The following TPO variants were observed in gnomAD, a reference collection of about 807,000 sequenced individuals.
The protein encoded by TPO is thyroid microsomal antigen.
A neutral mutation model predicts 96.9 loss-of-function variants in TPO; 78 were observed. The observed-to-expected ratio is 0.81, with a 90% CI of 0.67 to 0.97. The LOEUF (loss-of-function observed/expected upper bound fraction) is 0.97, where lower values mean the gene tolerates loss of function less well. Ranked by LOEUF, TPO falls within the 50% of genes least tolerant of loss-of-function variation. The probability of loss-of-function intolerance (pLI) is 0.00; values close to 1 mark genes in which losing one functional copy is unlikely to be tolerated. For missense variants in TPO, 1,252 were observed against 1,274.8 expected, an observed-to-expected ratio of 0.98 and a Z score of 0.27; for synonymous variants, 547 against 538.0, an observed-to-expected ratio of 1.02 and a Z score of -0.23.
chr2:1,524,685 A>C (rs1444855884), intron 15 of TPO, among the ~76,000 whole-genome samples: 2 of 119,982 alleles, frequency 1.7e-5, no homozygotes, highest in African/African-American at 3.2e-5. Flanking sequence ...AACCTCCCCA[A>C]ATCCCCCCAC....
chr2:1,478,352 G>T (rs1264778107), intron 8 of TPO: 1 of 985,336 alleles, frequency 1.0e-6, no homozygotes, highest in Non-Finnish European at 1.2e-6. Context: ...GTTGCACCAG[G>T]CCCTGTGGCG....
intron 10 of TPO, among the ~76,000 whole-genome samples, chr2:1,489,584 C>T (rs1671519382): frequency 6.6e-6 from 1 of 152,218 alleles, no homozygotes; most frequent in Non-Finnish European, 1.5e-5. Flanking sequence ...GGCTGTGTTT[C>T]AGGGCTGTGA....
chr2:1,524,996 C>CT (rs1676104495), intron 15 of TPO, among the ~76,000 whole-genome samples: 1 of 121,796 alleles, frequency 8.2e-6, no homozygotes, highest in African/African-American at 3.2e-5. Context: ...CTCCCCAAAT[C>CT]CACCCAACTC....
rs113810373 is a variant in TPO at position 1,402,456 on chromosome 2, G to T, written n.180+28054G>T. On this transcript the variant is annotated intron_variant and non_coding_transcript_variant, in intron 1 of 5. Transcript: ENST00000497517. ...TCTGGGAGCCAACACGGAGCCAAGG[G>T]GGGTGGGGGATTTCCTGTTTCCTCA... Among the ~76,000 whole-genome samples the T allele has an allele frequency of 8.6e-3, 1,302 of 152,276 alleles. 6 individuals carry two copies. Among genetic ancestry groups the T allele is most frequent in the Non-Finnish European group, 0.012 (801 of 68,024 alleles).
At chr2:1,462,911 T>A (rs1328987100) in intron 7 of TPO, among the ~76,000 whole-genome samples, 4 of 152,250 alleles carry the variant, frequency 2.6e-5, no homozygotes, top group Non-Finnish European at 5.9e-5. Context: ...AATCATGTTA[T>A]ACAGTGATAT....
intron 1 of TPO, among the ~76,000 whole-genome samples, chr2:1,382,503 C>T (rs904373280): frequency 6.6e-6 from 1 of 152,120 alleles, no homozygotes; most frequent in Non-Finnish European, 1.5e-5. Flanking sequence ...GAAATATCAT[C>T]TTGTCAACTG....
intron 4 of TPO, among the ~76,000 whole-genome samples, chr2:1,434,979 G>C (rs1216468877): frequency 6.6e-6 from 1 of 152,016 alleles, no homozygotes; most frequent in Non-Finnish European, 1.5e-5. Context: ...TGTCGCCCAG[G>C]CTGGAGTGCA....
At position 1,432,773 on chromosome 2, in the gene TPO, T is replaced by C. The variant is rs148088251; in HGVS notation, c.180-665T>C. On this transcript the variant is annotated intron_variant, in intron 3 of 16. Coordinates refer to ENST00000329066, the MANE Select transcript of TPO (RefSeq NM_001206744.2). Reference sequence around the variant, plus strand: ...CTGCAGGTGAGGAGAGGCCTGCAGGTGAGGGGAGGCATGCAGGTGGGGTGA... The same window carrying C: ...CTGCAGGTGAGGAGAGGCCTGCAGGCGAGGGGAGGCATGCAGGTGGGGTGA... Among the ~76,000 whole-genome samples the C allele has an allele frequency of 5.5e-3, 522 of 95,136 alleles. 3 individuals are homozygous for C. Among genetic ancestry groups the C allele is most frequent in the East Asian group, 0.046 (135 of 2,940 alleles). 62.4% of individuals were successfully genotyped at this position (95,136 alleles called of 152,430 possible).
chr2:1,470,846 C>T (rs1669336450), intron 7 of TPO, among the ~76,000 whole-genome samples: 1 of 152,170 alleles, frequency 6.6e-6, no homozygotes, highest in African/African-American at 2.4e-5. Flanking sequence ...TACTCAATAC[C>T]TTCCCAGCAT....
intron 7 of TPO, among the ~76,000 whole-genome samples, chr2:1,466,458 A>T (rs921988055): frequency 2.0e-5 from 3 of 152,172 alleles, no homozygotes; most frequent in Non-Finnish European, 4.4e-5. Context: ...TAGTGTCAAT[A>T]GGATTGGTAA....
intron 6 of TPO, among the ~76,000 whole-genome samples, 172 bp from the exon 7 acceptor site, chr2:1,455,904 C>A (rs1667741790): frequency 6.6e-6 from 1 of 152,176 alleles, no homozygotes; most frequent in Non-Finnish European, 1.5e-5. Flanking sequence ...CCAGGGGCAT[C>A]TGTCTTCAAA....
At chr2:1,436,151 CA>C in intron 4 of TPO, 100 bp from the exon 5 acceptor site, 1 of 1,588,630 alleles carries the variant, frequency 6.3e-7, no homozygotes, top group Non-Finnish European at 8.6e-7. Context: ...ATATGAATCC[CA>C]AATTCAGATG....
intron 7 of TPO, among the ~76,000 whole-genome samples, chr2:1,461,281 A>G (rs1037874022): frequency 1.1e-4 from 17 of 152,150 alleles, no homozygotes; most frequent in African/African-American, 3.9e-4. Flanking sequence ...CACAATACTC[A>G]GTTATGTGGA....
At chr2:1,464,591 C>T (rs1324270979) in intron 7 of TPO, among the ~76,000 whole-genome samples, 1 of 152,120 alleles carries the variant, frequency 6.6e-6, no homozygotes, top group Non-Finnish European at 1.5e-5. Context: ...TTTATTATGG[C>T]CATTCTTGCC....
At chr2:1,492,959 C>T (rs1397484119) in intron 10 of TPO, among the ~76,000 whole-genome samples, 2 of 151,910 alleles carry the variant, frequency 1.3e-5, no homozygotes, top group Non-Finnish European at 2.9e-5. Flanking sequence ...GGATGAGGGA[C>T]GAAGGCAGAT....
At chr2:1,448,137 C>T (rs1017242854) in intron 5 of TPO, among the ~76,000 whole-genome samples, 6 of 152,162 alleles carry the variant, frequency 3.9e-5, no homozygotes, top group African/African-American at 1.2e-4. Context: ...GCTGCTCCTG[C>T]CTCCAGAGGT....
At chr2:1,436,169 T>C in intron 4 of TPO, 83 bp from the exon 5 acceptor site, 1 of 1,607,030 alleles carries the variant, frequency 6.2e-7, no homozygotes, top group Admixed American at 1.7e-5. Flanking sequence ...GATGCTGGAG[T>C]CACTTTTGAG....
chr2:1,527,921 A>AGCAACCTCCTCAAATCCCCCCAATGTGT (rs1677000892), intron 15 of TPO, among the ~76,000 whole-genome samples: 1 of 23,872 alleles, frequency 4.2e-5, no homozygotes, highest in Non-Finnish European at 7.9e-5. Context: ...CCCCAATGTG[A>AGCAACCTCCTCAAATCCCCCCAATGTGT]GCAACCTCCT....
chr2:1,376,231 G>T (rs985851308), intron 1 of TPO, among the ~76,000 whole-genome samples: 75 of 152,140 alleles, frequency 4.9e-4, no homozygotes, highest in Non-Finnish European at 7.4e-4. Context: ...CAAATGTCTC[G>T]CTCTGAAACT....
Sources: gnomAD v4.1 joint callset for allele counts (sites outside exome capture counted in the v4.1 genomes callset) on GRCh38, gnomAD v4.1.1 for gene constraint, MANE v1.5 for transcripts, NCBI Gene and HGNC (gene_info 2026-07-23, HGNC 2026-07-21) for gene names.